The following HS2ST1 variants were observed in gnomAD, a reference collection of about 807,000 sequenced individuals.
HS2ST1 encodes the protein heparan sulfate 2-O-sulfotransferase 1.
Under a neutral mutation model 42.9 loss-of-function variants are expected in HS2ST1, and 18 were observed. The ratio of observed to expected loss-of-function variants is 0.42; its 90% CI spans 0.29 to 0.62. The LOEUF (loss-of-function observed/expected upper bound fraction) is 0.62, where lower values mean the gene tolerates loss of function less well. Ranked by LOEUF, HS2ST1 falls within the 20% of genes least tolerant of loss-of-function variation. The probability of loss-of-function intolerance (pLI) is 0.21; values close to 1 mark genes in which losing one functional copy is unlikely to be tolerated. For synonymous variants in HS2ST1, 146 were observed against 152.9 expected (o/e 0.95, Z 0.33); for missense variants, 334 against 433.8 (o/e 0.77, Z 2.04).
intron 1 of HS2ST1, among the ~76,000 whole-genome samples, chr1:86,935,167 A>G (rs1660619306): frequency 1.3e-5 from 2 of 151,980 alleles, no homozygotes; most frequent in Non-Finnish European, 2.9e-5. Context: ...TACTTTGTCT[A>G]ATAGTTCTTG....
intron 1 of HS2ST1, among the ~76,000 whole-genome samples, chr1:87,002,039 A>G (rs1649303450): frequency 6.6e-6 from 1 of 151,902 alleles, no homozygotes; most frequent in South Asian, 2.1e-4. Flanking sequence ...CAGCCACCCG[A>G]GTAGCTGGGA....
chr1:87,008,597 C>G (rs1649507436), intron 1 of HS2ST1, among the ~76,000 whole-genome samples: 1 of 152,126 alleles, frequency 6.6e-6, no homozygotes, highest in South Asian at 2.1e-4. Flanking sequence ...TAGTCCAGCT[C>G]ATAAATTAAT....
At chr1:86,964,154 G>A (rs1350750316) in intron 1 of HS2ST1, among the ~76,000 whole-genome samples, 3 of 151,772 alleles carry the variant, frequency 2.0e-5, no homozygotes, top group African/African-American at 7.3e-5. Context: ...TCCTAGACGG[G>A]ATGGCGGCCG....
At chr1:86,926,174 A>G (rs1412919555) in intron 1 of HS2ST1, among the ~76,000 whole-genome samples, 1 of 152,212 alleles carries the variant, frequency 6.6e-6, no homozygotes. Context: ...GTGTATTACA[A>G]GGTTTTGCCA....
At chr1:87,074,482 A>G (rs940450566) in intron 2 of HS2ST1, among the ~76,000 whole-genome samples, 2 of 152,202 alleles carry the variant, frequency 1.3e-5, no homozygotes, top group African/African-American at 2.4e-5. Flanking sequence ...TAGAAAAATA[A>G]TGTTAATTTG....
intron 1 of HS2ST1, among the ~76,000 whole-genome samples, chr1:87,060,040 A>T (rs947995601): frequency 2.0e-5 from 3 of 152,170 alleles, no homozygotes; most frequent in African/African-American, 7.2e-5. Context: ...CAAGAATGAT[A>T]CCTAGAATAT....
chr1:86,948,987 CA>C lies in HS2ST1; in HGVS notation c.124+33830del, dbSNP rs1363473828. 3.9e-5 allele frequency among the ~76,000 whole-genome samples: 6 copies of C among 152,188 alleles called. No individual in the cohort carries two copies. In the East Asian group the frequency reaches 1.2e-3, roughly 29 times the overall value. ...TAAAATTTGGCCTACAGAAAGTTCTCAAAGTAATAGTTACTACTTCTTTTAC... is the reference window on the plus strand; with the variant it reads ...TAAAATTTGGCCTACAGAAAGTTCTCAAGTAATAGTTACTACTTCTTTTAC... On this transcript the variant is annotated intron_variant, in intron 1 of 6. Transcript: ENST00000370550.
intron 1 of HS2ST1, among the ~76,000 whole-genome samples, chr1:86,999,157 T>G (rs1649199281): frequency 6.6e-6 from 1 of 152,160 alleles, no homozygotes; most frequent in Non-Finnish European, 1.5e-5. Context: ...CTGTTCTTTT[T>G]GGAAACAATA....
intron 1 of HS2ST1, among the ~76,000 whole-genome samples, chr1:86,977,622 T>C (rs903111480): frequency 6.6e-6 from 1 of 152,194 alleles, no homozygotes; most frequent in African/African-American, 2.4e-5. Context: ...AGGAAGATAC[T>C]CACTTAATAC....
At chr1:86,950,001 T>G (rs1006096752) in intron 1 of HS2ST1, among the ~76,000 whole-genome samples, 1 of 152,194 alleles carries the variant, frequency 6.6e-6, no homozygotes, top group African/African-American at 2.4e-5. Context: ...GTAGAAGGAA[T>G]TATAGAAAAT....
Position 87,074,924 on chromosome 1 carries a change from T to C in HS2ST1, c.363+1752T>C, listed in dbSNP as rs1224525908. On this transcript the variant is annotated intron_variant, in intron 2 of 6. Coordinates refer to ENST00000370550, the MANE Select transcript of HS2ST1 (RefSeq NM_012262.4). The stretch of plus-strand genomic sequence containing the variant: ...TATCTCCAGTTTTGTGATCTCTTGT[T>C]CTATGTAGACGCAGTTCTTCAAACA... 2.0e-5 allele frequency among the ~76,000 whole-genome samples: 3 copies of C among 152,128 alleles called. No homozygotes were observed. In the East Asian group the frequency reaches 5.8e-4, roughly 29 times the overall value.
intron 1 of HS2ST1, among the ~76,000 whole-genome samples, chr1:86,935,255 C>T (rs188037790): frequency 1.8e-4 from 27 of 150,838 alleles, no homozygotes; most frequent in Admixed American, 1.7e-3. Context: ...GCTTTACTTT[C>T]CTATTTATTG....
intron 1 of HS2ST1, among the ~76,000 whole-genome samples, chr1:86,941,396 C>T (rs2102175847): frequency 6.6e-6 from 1 of 152,166 alleles, no homozygotes; most frequent in East Asian, 1.9e-4. Context: ...ATACCATTTT[C>T]TCCCCAATTA....
intron 1 of HS2ST1, among the ~76,000 whole-genome samples, chr1:87,033,795 C>T (rs147242308): frequency 0.024 from 3,654 of 152,306 alleles, 47 homozygotes; most frequent in South Asian, 0.053. Flanking sequence ...CCACCAGCCT[C>T]GGCCTCCCAG....
At chr1:87,103,633 G>A (rs751471497) in intron 6 of HS2ST1, 44 bp downstream of exon 6, 2 of 1,425,460 alleles carry the variant, frequency 1.4e-6, no homozygotes, top group Admixed American at 5.4e-5. Flanking sequence ...CTTTGGTTTG[G>A]TTTTTTGGTT....
intron 2 of HS2ST1, among the ~76,000 whole-genome samples, chr1:87,074,423 A>G (rs1275547640): frequency 1.3e-5 from 2 of 152,226 alleles, no homozygotes; most frequent in African/African-American, 4.8e-5. Flanking sequence ...TAAAAGGAAT[A>G]TGTATTCATG....
chr1:87,041,305 T>C (rs1022832047), intron 1 of HS2ST1, among the ~76,000 whole-genome samples: 1 of 150,466 alleles, frequency 6.6e-6, no homozygotes, highest in African/African-American at 2.4e-5. Context: ...GGAGGATTGC[T>C]TGAGCCAGGT....
At chr1:87,034,585 T>C (rs1052451246) in intron 1 of HS2ST1, among the ~76,000 whole-genome samples, 4 of 152,226 alleles carry the variant, frequency 2.6e-5, no homozygotes, top group African/African-American at 9.6e-5. Context: ...CAATGAGCTC[T>C]AGGAAATCAG....
At chr1:86,962,814 G>A (rs1647887208) in intron 1 of HS2ST1, among the ~76,000 whole-genome samples, 2 of 152,008 alleles carry the variant, frequency 1.3e-5, no homozygotes, top group South Asian at 4.1e-4. Context: ...TTTTTGGATT[G>A]GAACATACAG....
Sources: allele counts gnomAD v4.1 joint callset (sites outside exome capture counted in the v4.1 genomes callset), GRCh38; gene constraint gnomAD v4.1.1; transcripts MANE v1.5; gene names NCBI Gene and HGNC (gene_info 2026-07-23, HGNC 2026-07-21).